The following CDKAL1 variants were observed in gnomAD, a reference collection of about 807,000 sequenced individuals.
CDKAL1 encodes the protein CDKAL1 threonylcarbamoyladenosine tRNA methylthiotransferase.
Under a neutral mutation model 68.2 loss-of-function variants are expected in CDKAL1, and 32 were observed. That is an observed-to-expected ratio of 0.47 (90% CI 0.35 to 0.63). The LOEUF is 0.63. Among genes scored for constraint, CDKAL1 ranks in the 30% least tolerant of loss-of-function variants. CDKAL1 has a pLI of 0.00. For synonymous variants in CDKAL1, 234 were observed against 244.3 expected (o/e 0.96, Z 0.39); for missense variants, 606 against 696.7 (o/e 0.87, Z 1.47).
intron 4 of CDKAL1, among the ~76,000 whole-genome samples, chr6:20,577,987 G>A (rs1393727169): frequency 6.6e-6 from 1 of 152,006 alleles, no homozygotes; most frequent in East Asian, 1.9e-4. Context: ...TTTAGTCTTA[G>A]GTGTAGTTAC....
intron 9 of CDKAL1, among the ~76,000 whole-genome samples, chr6:20,883,299 T>A (rs901825800): frequency 1.3e-5 from 2 of 152,230 alleles, no homozygotes; most frequent in Non-Finnish European, 2.9e-5. Flanking sequence ...TTCCCAGTTG[T>A]TGCATTTTAG....
intron 8 of CDKAL1, among the ~76,000 whole-genome samples, chr6:20,787,672 G>C (rs1017118533): frequency 6.6e-5 from 10 of 152,174 alleles, no homozygotes; most frequent in African/African-American, 2.2e-4. Context: ...TCCTTACCTA[G>C]TGTCTGGAGT....
intron 11 of CDKAL1, among the ~76,000 whole-genome samples, chr6:21,007,306 T>G (rs1430561445): frequency 6.6e-6 from 1 of 151,794 alleles, no homozygotes; most frequent in African/African-American, 2.4e-5. Flanking sequence ...GGCACTCGCC[T>G]GTAGTCGCAG....
intron 4 of CDKAL1, among the ~76,000 whole-genome samples, chr6:20,595,316 G>A (rs10223680): frequency 0.028 from 4,307 of 152,200 alleles, 185 homozygotes; most frequent in African/African-American, 0.092. Flanking sequence ...CCAATCAAAC[G>A]TAGGTTTGGT....
chr6:20,899,359 G>A (rs994389264), intron 9 of CDKAL1, among the ~76,000 whole-genome samples: 2 of 151,910 alleles, frequency 1.3e-5, no homozygotes, highest in South Asian at 2.1e-4. Flanking sequence ...CACTGCGCCC[G>A]GCCCTCTAAT....
In CDKAL1 at chr6:20,586,978, G is replaced by GTTTTTTTT. The variant is rs750210435; in HGVS notation, c.286+38291_286+38298dup. On this transcript the variant is annotated intron_variant, in intron 4 of 15. Coordinates refer to ENST00000274695, the MANE Select transcript of CDKAL1 (RefSeq NM_017774.3). ...TGCCTGGAATGTTCTTCCTCCAGGT[G>GTTTTTTTT]TTTTTTTTTTTTTTTTTTTTTTTTT... 1.8e-3 allele frequency among the ~76,000 whole-genome samples: 80 copies of GTTTTTTTT among 44,448 alleles called. 3 individuals carry two copies. The highest frequency in any genetic ancestry group is 5.3e-3 in the African/African-American group (56 of 10,484). 29.2% of individuals were successfully genotyped at this position (44,448 alleles called of 152,430 possible).
At chr6:21,172,213 A>G (rs112382239) in intron 13 of CDKAL1, among the ~76,000 whole-genome samples, 4 of 152,302 alleles carry the variant, frequency 2.6e-5, no homozygotes, top group African/African-American at 9.6e-5. Context: ...TCACTTGGTC[A>G]AAGTGGTATC....
chr6:21,004,415 T>C (rs1767614840), intron 11 of CDKAL1, among the ~76,000 whole-genome samples: 1 of 152,190 alleles, frequency 6.6e-6, no homozygotes, highest in Admixed American at 6.6e-5. Context: ...TATGGGAATT[T>C]ATTAAATCAT....
At chr6:20,927,729 A>T (rs559505026) in intron 9 of CDKAL1, among the ~76,000 whole-genome samples, 1 of 152,282 alleles carries the variant, frequency 6.6e-6, no homozygotes, top group African/African-American at 2.4e-5. Context: ...GGTAACTAAG[A>T]AGTCTGAATC....
At chr6:21,170,565 T>C (rs1168586020) in intron 13 of CDKAL1, among the ~76,000 whole-genome samples, 17 of 152,116 alleles carry the variant, frequency 1.1e-4, no homozygotes, top group Non-Finnish European at 2.5e-4. Context: ...CCTGACCTCA[T>C]GATCGACCCG....
rs1581707017 is a variant in CDKAL1 at position 20,548,674 on chromosome 6, A to G, written c.255A>G (p.Gly85=). The G allele has an allele frequency of 6.3e-7, 1 of 1,581,088 alleles. No homozygotes were observed. Among genetic ancestry groups the G allele is most frequent in the South Asian group, 1.1e-5 (1 of 89,542 alleles). The change falls in exon 4 of 16, where the codon GGA becomes GGG. Residue 85 remains glycine, a synonymous_variant. Coordinates refer to ENST00000274695, the MANE Select transcript of CDKAL1 (RefSeq NM_017774.3). ...ATTCAGATGGAGAATATATGGCTGG[A>G]CAGCTAGCTGCTTATGGCTATAAAA... ...HNNSDGEYMA[G]QLAAYGYKIT...
intron 15 of CDKAL1, among the ~76,000 whole-genome samples, chr6:21,205,735 G>A (rs1442224854): frequency 1.3e-4 from 19 of 149,152 alleles, no homozygotes; most frequent in Admixed American, 1.3e-4. Flanking sequence ...GTTTCACTGT[G>A]TTAGCCAGGA....
intron 4 of CDKAL1, among the ~76,000 whole-genome samples, chr6:20,591,285 TTC>T (rs371875249): frequency 1.6e-3 from 250 of 152,326 alleles, no homozygotes; most frequent in African/African-American, 5.8e-3. Context: ...TGCAAAAATT[TTC>T]TCCCATTCTG....
Position 20,781,238 on chromosome 6 carries a change from T to G in CDKAL1, c.611T>G (p.Leu204Arg), listed in dbSNP as rs903200940. ...LDLPKIRKNP[L>R]IEIISINTGC... ...TTGCCGAAGATTAGGAAGAATCCAC[T>G]GATAGAAATCATTTCCATCAATACC... is the stretch of plus-strand genomic sequence containing the variant. The change falls in exon 8 of 16, where the codon CTG (leucine) becomes CGG (arginine). Residue 204 changes from leucine (L) to arginine (R), a missense_variant. Coordinates refer to ENST00000274695, the MANE Select transcript of CDKAL1 (RefSeq NM_017774.3). 2 of 1,613,524 alleles carry G rather than the reference T, an allele frequency of 1.2e-6. No homozygotes were observed. The highest frequency in any genetic ancestry group is 1.7e-6 in the Non-Finnish European group (2 of 1,179,710).
intron 13 of CDKAL1, among the ~76,000 whole-genome samples, chr6:21,153,751 G>A (rs1390040399): frequency 6.6e-6 from 1 of 152,162 alleles, no homozygotes; most frequent in African/African-American, 2.4e-5. Flanking sequence ...AAGAAGTGGG[G>A]AATAACTAAT....
intron 5 of CDKAL1, among the ~76,000 whole-genome samples, chr6:20,670,239 GGTTA>G (rs1376720197): frequency 6.6e-6 from 1 of 152,050 alleles, no homozygotes; most frequent in Admixed American, 6.6e-5. Context: ...AGTTCACTTG[GGTTA>G]GTTCTTTCCT....
chr6:21,131,102 C>A (rs185308226), intron 13 of CDKAL1, among the ~76,000 whole-genome samples: 1 of 152,130 alleles, frequency 6.6e-6, no homozygotes, highest in South Asian at 2.1e-4. Flanking sequence ...GGCAATATTA[C>A]GTATATGTCT....
At chr6:20,737,772 A>G (rs1561732563) in intron 5 of CDKAL1, among the ~76,000 whole-genome samples, 1 of 152,230 alleles carries the variant, frequency 6.6e-6, no homozygotes, top group Non-Finnish European at 1.5e-5. Context: ...TATTTCGTTA[A>G]CAAGCTTTTT....
At chr6:20,986,005 G>T (rs1200683785) in intron 10 of CDKAL1, among the ~76,000 whole-genome samples, 1 of 151,802 alleles carries the variant, frequency 6.6e-6, no homozygotes, top group Non-Finnish European at 1.5e-5. Flanking sequence ...TGTTCTAATG[G>T]TAATAACTTG....
Sources: gnomAD v4.1 joint callset for allele counts (sites outside exome capture counted in the v4.1 genomes callset) on GRCh38, gnomAD v4.1.1 for gene constraint, MANE v1.5 for transcripts, NCBI Gene and HGNC (gene_info 2026-07-23, HGNC 2026-07-21) for gene names.